STAG1: variants seen among roughly 807,000 people sequenced by gnomAD.
STAG1 encodes cohesin subunit SA-1.
STAG1 carries 26 observed loss-of-function variants against 170.9 expected under a neutral mutation model. The ratio of observed to expected loss-of-function variants is 0.15; its 90% CI spans 0.11 to 0.21. The LOEUF (loss-of-function observed/expected upper bound fraction) is 0.21. STAG1 is among the 10% of genes least tolerant of loss of function. STAG1 has a pLI of 1.00. For missense variants in STAG1, 964 were observed against 1,509.5 expected, an observed-to-expected ratio of 0.64 and a Z score of 5.99; for synonymous variants, 514 against 497.7, an observed-to-expected ratio of 1.03 and a Z score of -0.44.
intron 28 of STAG1, among the ~76,000 whole-genome samples, chr3:136,355,287 G>A (rs1179623120): frequency 7.5e-6 from 1 of 133,788 alleles, no homozygotes; most frequent in East Asian, 2.6e-4. Context: ...GGGAAGCAGA[G>A]ATTGCAGTGA....
At chr3:136,624,595 TTCC>T (rs770011182) in intron 2 of STAG1, among the ~76,000 whole-genome samples, 1 of 152,264 alleles carries the variant, frequency 6.6e-6, no homozygotes, top group Non-Finnish European at 1.5e-5. Context: ...GGAAACATGC[TTCC>T]TCAATTTTTT....
intron 1 of STAG1, among the ~76,000 whole-genome samples, chr3:136,712,759 T>C (rs1226249503): frequency 6.6e-6 from 1 of 152,162 alleles, no homozygotes; most frequent in East Asian, 1.9e-4. Flanking sequence ...CGATCTTAGA[T>C]ATATATCCAA....
chr3:136,587,895 G>A (rs1201595646), intron 4 of STAG1, among the ~76,000 whole-genome samples: 2 of 152,112 alleles, frequency 1.3e-5, no homozygotes, highest in African/African-American at 2.4e-5. Flanking sequence ...CCGGGGGGGC[G>A]GAGGTTGCAG....
intron 14 of STAG1, among the ~76,000 whole-genome samples, chr3:136,444,949 T>C (rs1003736599): frequency 1.3e-5 from 2 of 151,952 alleles, no homozygotes; most frequent in Non-Finnish European, 2.9e-5. Context: ...CAGCCTTGAC[T>C]TCCTGGGCTC....
intron 1 of STAG1, among the ~76,000 whole-genome samples, chr3:136,707,116 A>G (rs1943249313): frequency 6.6e-6 from 1 of 152,224 alleles, no homozygotes; most frequent in Admixed American, 6.5e-5. Context: ...TCTTAAGAGA[A>G]AACATAGAAG....
chr3:136,437,539 T>C (rs565709829), intron 15 of STAG1, among the ~76,000 whole-genome samples: 3 of 152,354 alleles, frequency 2.0e-5, no homozygotes, highest in East Asian at 3.9e-4. Context: ...TTCCTCACTA[T>C]TGATTTTAGT....
chr3:136,452,090 T>G lies in STAG1; in HGVS notation c.1371A>C (p.Arg457Ser). Reference sequence around the variant, plus strand: ...TAATGAGGTTTCCATTCGGGCTGTTTCTTCCCCTCCTCTTTGCTAATGCTT... The same window carrying G: ...TAATGAGGTTTCCATTCGGGCTGTTGCTTCCCCTCCTCTTTGCTAATGCTT... ...AEEALAKRRGRNSPNGNLIRM... is the reference protein window; with the variant it reads ...AEEALAKRRGSNSPNGNLIRM... Residue 457 changes from arginine (R) to serine (S), a missense_variant, in exon 14 of 34, where the codon AGA becomes AGC. Physicochemically the swap from Arg to Ser is moderately radical, Grantham distance 110. Transcript: ENST00000383202. 6.2e-7 allele frequency: 1 copy of G among 1,613,694 alleles called. No homozygotes were observed. Among genetic ancestry groups the G allele is most frequent in the South Asian group, 1.1e-5 (1 of 91,056 alleles).
chr3:136,379,527 G>A (rs1446860742), intron 22 of STAG1, among the ~76,000 whole-genome samples: 1 of 152,138 alleles, frequency 6.6e-6, no homozygotes, highest in Non-Finnish European at 1.5e-5. Context: ...TGGCCAACAT[G>A]ATGAAACCCC....
intron 25 of STAG1, among the ~76,000 whole-genome samples, chr3:136,366,661 A>G (rs1340025421): frequency 1.3e-5 from 2 of 152,126 alleles, no homozygotes; most frequent in African/African-American, 4.8e-5. Flanking sequence ...CCACATCAAG[A>G]AGGTCTCTGA....
chr3:136,596,154 T>C (rs1938419745), intron 4 of STAG1, among the ~76,000 whole-genome samples: 1 of 152,210 alleles, frequency 6.6e-6, no homozygotes, highest in Non-Finnish European at 1.5e-5. Context: ...GAGGACTTCC[T>C]CCAATTTTGA....
At chr3:136,498,212 A>T (rs1353404997) in intron 9 of STAG1, among the ~76,000 whole-genome samples, 2 of 38,958 alleles carry the variant, frequency 5.1e-5, no homozygotes, top group African/African-American at 1.9e-4. Flanking sequence ...AAAAAAAATT[A>T]TATATATATA....
rs566827468 is a variant in STAG1, at chr3:136,401,817, G to A, written c.2197-2988C>T. Among the ~76,000 whole-genome samples, 89 of 151,654 alleles carry A rather than the reference G, an allele frequency of 5.9e-4. 1 individual carries two copies. Among genetic ancestry groups the A allele is most frequent in the East Asian group, 7.8e-4 (4 of 5,148 alleles). On this transcript the variant is annotated intron_variant, in intron 21 of 33. Coordinates refer to ENST00000383202, the MANE Select transcript of STAG1 (RefSeq NM_005862.3). ...TTTTGAGATCAAGTCTTGCTCTGTC[G>A]CCCAGGCTAGAGTGCAGTGGTGGGT...
chr3:136,631,297 GC>G (rs1266799981), intron 1 of STAG1, among the ~76,000 whole-genome samples: 1 of 152,212 alleles, frequency 6.6e-6, no homozygotes, highest in Non-Finnish European at 1.5e-5. Flanking sequence ...AAGTAAAGAA[GC>G]CAATCTGAAA....
chr3:136,435,759 G>A lies in STAG1; in HGVS notation c.1547-2100C>T, dbSNP rs532541782. Among the ~76,000 whole-genome samples the A allele has an allele frequency of 2.0e-5, 3 of 150,234 alleles. No individual in the cohort carries two copies. The East Asian group carries it at 5.9e-4, about 30-fold the overall frequency. The stretch of plus-strand genomic sequence containing the variant: ...ATCTTGGCTCACTGCAACCTCTGCC[G>A]CCCAGGTTCCAGTGATTCTCCTGCC... On this transcript the variant is annotated intron_variant, in intron 15 of 33. Coordinates refer to ENST00000383202, the MANE Select transcript of STAG1 (RefSeq NM_005862.3).
intron 7 of STAG1, among the ~76,000 whole-genome samples, chr3:136,513,061 T>C (rs1448020582): frequency 6.6e-6 from 1 of 152,036 alleles, no homozygotes; most frequent in Non-Finnish European, 1.5e-5. Flanking sequence ...AAAGGGAGAC[T>C]TGGGCCGGGT....
chr3:136,429,177 C>T (rs575086566), intron 16 of STAG1, among the ~76,000 whole-genome samples: 7 of 150,424 alleles, frequency 4.7e-5, no homozygotes, highest in South Asian at 2.1e-4. Context: ...GAGGCCGAAA[C>T]GGGTGGATGA....
intron 1 of STAG1, among the ~76,000 whole-genome samples, chr3:136,700,244 T>C (rs1015798021): frequency 1.3e-5 from 2 of 148,752 alleles, no homozygotes; most frequent in Non-Finnish European, 3.0e-5. Flanking sequence ...TGGATGCTCA[T>C]GCTATCCTCA....
chr3:136,502,003 G>A (rs1461177867), intron 8 of STAG1, among the ~76,000 whole-genome samples: 1 of 152,094 alleles, frequency 6.6e-6, no homozygotes, highest in East Asian at 1.9e-4. Flanking sequence ...CCAACATGGA[G>A]AAACCCCATC....
At chr3:136,642,641 T>C (rs1940847812) in intron 1 of STAG1, among the ~76,000 whole-genome samples, 1 of 152,186 alleles carries the variant, frequency 6.6e-6, no homozygotes, top group Admixed American at 6.5e-5. Flanking sequence ...TGGGAATAAT[T>C]TCTCCCTTTA....
Sources: allele counts gnomAD v4.1 joint callset (sites outside exome capture counted in the v4.1 genomes callset), GRCh38; gene constraint gnomAD v4.1.1; transcripts MANE v1.5; gene names NCBI Gene and HGNC (gene_info 2026-07-23, HGNC 2026-07-21).